Variants in MAST2 observed in about 807,000 individuals in gnomAD.
MAST2 encodes microtubule associated serine/threonine kinase 2.
A neutral mutation model predicts 147.4 loss-of-function variants in MAST2; 70 were observed. The observed-to-expected ratio is 0.47, with a 90% CI of 0.39 to 0.58. The LOEUF (loss-of-function observed/expected upper bound fraction) is 0.58. MAST2 is among the 20% of genes least tolerant of loss of function. The pLI, the probability that MAST2 is intolerant of heterozygous loss-of-function variation, is 0.00. For synonymous variants in MAST2, 869 were observed against 896.8 expected (o/e 0.97, Z 0.55); for missense variants, 2,080 against 2,302.3 (o/e 0.90, Z 1.98).
chr1:45,866,653 CAGG>C (rs1259645188), intron 3 of MAST2, among the ~76,000 whole-genome samples: 1 of 152,122 alleles, frequency 6.6e-6, no homozygotes, highest in Non-Finnish European at 1.5e-5. Flanking sequence ...TTCTATCTAG[CAGG>C]AGTTCTAAAC....
At chr1:45,808,292 G>A (rs1239737184) in intron 1 of MAST2, among the ~76,000 whole-genome samples, 1 of 152,034 alleles carries the variant, frequency 6.6e-6, no homozygotes, top group Non-Finnish European at 1.5e-5. Context: ...GTGCAGTGGC[G>A]CGATCTCGGC....
intron 4 of MAST2, among the ~76,000 whole-genome samples, chr1:45,886,479 G>T (rs1647095609): frequency 6.6e-6 from 1 of 151,632 alleles, no homozygotes; most frequent in South Asian, 2.1e-4. Flanking sequence ...CTTTTGGCCT[G>T]GCTCATACCA....
At chr1:45,820,836 T>C (rs1450801395) in intron 1 of MAST2, among the ~76,000 whole-genome samples, 1 of 32,440 alleles carries the variant, frequency 3.1e-5, no homozygotes, top group Non-Finnish European at 7.4e-5. Context: ...TCTGTCTGCT[T>C]TTTTTTTTTT....
At chr1:45,870,951 A>G (rs1396634860) in intron 3 of MAST2, among the ~76,000 whole-genome samples, 4 of 151,934 alleles carry the variant, frequency 2.6e-5, no homozygotes, top group Non-Finnish European at 5.9e-5. Context: ...TAACAACAAC[A>G]AAAATTCATG....
At chr1:45,923,655 T>C (rs570639695) in intron 4 of MAST2, among the ~76,000 whole-genome samples, 1 of 152,184 alleles carries the variant, frequency 6.6e-6, no homozygotes, top group Non-Finnish European at 1.5e-5. Flanking sequence ...GATCACATTC[T>C]TAACAACCAC....
chr1:45,823,890 T>C (rs115348839), intron 1 of MAST2, among the ~76,000 whole-genome samples: 1,843 of 152,298 alleles, frequency 0.012, 30 homozygotes, highest in African/African-American at 0.039. Context: ...AATGGGAAGG[T>C]TCTGTCAATG....
Position 45,838,271 on chromosome 1 carries a change from G to A in MAST2, c.468+8690G>A, listed in dbSNP as rs112253537. ...GTCTCGGTCTGTTGCCCACGCTGGA[G>A]CGCAGTGGCATGATCTTGGCTCACT... is the stretch of plus-strand genomic sequence containing the variant. On this transcript the variant is annotated intron_variant, in intron 3 of 28. Coordinates refer to ENST00000361297, the MANE Select transcript of MAST2 (RefSeq NM_015112.3). Among the ~76,000 whole-genome samples, 242 of 141,334 alleles carry A rather than the reference G, an allele frequency of 1.7e-3. 1 individual carries two copies. The highest frequency in any genetic ancestry group is 8.1e-3 in the Middle Eastern group (2 of 248). The allele number at this position is 141,334 out of a possible 152,430, so 92.7% of individuals were successfully genotyped here.
intron 3 of MAST2, among the ~76,000 whole-genome samples, chr1:45,849,030 G>T (rs1432904178): frequency 6.6e-6 from 1 of 152,116 alleles, no homozygotes; most frequent in Admixed American, 6.5e-5. Context: ...AACCAGGGAG[G>T]TGCAAGATTT....
chr1:45,931,377 G>GTTTTTTTTTTTT (rs71587091), intron 4 of MAST2, among the ~76,000 whole-genome samples: 5 of 101,204 alleles, frequency 4.9e-5, no homozygotes, highest in East Asian at 3.2e-4. Flanking sequence ...ATTGTGTTCT[G>GTTTTTTTTTTTT]TTTTTTTTTT....
rs1646868647 is a variant in MAST2, at chr1:46,035,538, C to A, written c.4869C>A (p.His1623Gln). Residue 1623 changes from histidine to glutamine, a missense_variant, in exon 29 of 29, where the codon CAC (histidine) becomes CAA (glutamine). Around this residue, in one of 4 missense-constraint regions of MAST2, gnomAD observed 1,278 missense variants for 1,304.2 expected, o/e 0.98. Coordinates refer to ENST00000361297, the MANE Select transcript of MAST2 (RefSeq NM_015112.3). This position sits in a 1 kb window ranked among gnomAD's most constrained non-coding sequence, Gnocchi z 5.5. ...GTTGCTGGAAGGCCCAGCACCTCCACACCCAGGCACTAACAGCACTTTCTC... is the reference window on the plus strand; with the variant it reads ...GTTGCTGGAAGGCCCAGCACCTCCAAACCCAGGCACTAACAGCACTTTCTC... The part of the protein sequence containing the change: ...PEGCWKAQHL[H>Q]TQALTALSPS... The A allele has an allele frequency of 6.2e-7, 1 of 1,613,472 alleles. No individual in the cohort carries two copies.
rs1557499305 is a variant in MAST2, at chr1:46,025,660, G to A, written c.1781-17G>A. The A allele has an allele frequency of 6.2e-7, 1 of 1,613,894 alleles. No individual in the cohort carries two copies. The highest frequency in any genetic ancestry group is 2.2e-5 in the East Asian group (1 of 44,888). ...GGAACTGAATCCTTTCCTCATGGTAGCCTGGGCTTGTTGCAGGGGGAGACT... is the reference window on the plus strand; with the variant it reads ...GGAACTGAATCCTTTCCTCATGGTAACCTGGGCTTGTTGCAGGGGGAGACT... On this transcript the variant is annotated splice_polypyrimidine_tract_variant and intron_variant, in intron 15 of 28. Transcript: ENST00000361297.
intron 26 of MAST2, among the ~76,000 whole-genome samples, chr1:46,033,438 TAAA>T (rs140010156): frequency 4.4e-5 from 6 of 137,250 alleles, no homozygotes; most frequent in African/African-American, 2.7e-5. Context: ...GACTCTGTCT[TAAA>T]AAAAAAAAAA....
In MAST2 at chr1:46,034,978, C is replaced by A; in HGVS notation, c.4309C>A (p.Leu1437Ile). 1 of 1,614,096 alleles carries A rather than the reference C, an allele frequency of 6.2e-7. No homozygotes were observed. Among genetic ancestry groups the A allele is most frequent in the Non-Finnish European group, 8.5e-7 (1 of 1,180,046 alleles). The change falls in exon 29 of 29, where the codon CTA becomes ATA. Residue 1437 changes from leucine to isoleucine, a missense_variant. This residue lies in a region of MAST2 where 1,278 missense variants were observed against 1,304.2 expected (regional missense o/e 0.98). Transcript: ENST00000361297. ...KHSLDLPHSE[L>I]KKELPPREVS... ...CAGCCTTGACCTGCCCCACTCTGAA[C>A]TAAAGAAGGAACTGCCGCCCAGGGA... is the stretch of plus-strand genomic sequence containing the variant.
At position 45,875,858 on chromosome 1, in the gene MAST2, G is replaced by T. The variant is rs576357135; in HGVS notation, c.469-6506G>T. 9.9e-5 allele frequency among the ~76,000 whole-genome samples: 15 copies of T among 152,028 alleles called. No individual in the cohort carries two copies. The South Asian group carries it at 3.1e-3, about 32-fold the overall frequency. On this transcript the variant is annotated intron_variant, in intron 3 of 28. Transcript: ENST00000361297. ...GGTAGTTGTATGTACAACTATAGAG[G>T]TCAGCAAAAAGATCTGGGATAGAGA...
Position 45,849,810 on chromosome 1 carries a change from G to A in MAST2, c.468+20229G>A, listed in dbSNP as rs541241427. Among the ~76,000 whole-genome samples, 13 of 152,330 alleles carry A rather than the reference G, an allele frequency of 8.5e-5. No homozygotes were observed. The South Asian group carries it at 2.7e-3, about 32-fold the overall frequency. On this transcript the variant is annotated intron_variant, in intron 3 of 28. Coordinates refer to ENST00000361297, the MANE Select transcript of MAST2 (RefSeq NM_015112.3). ...CAAAGTGCTGGGATTACAGGCGTGAGCCACTGTGCCCCGCCCATATTTTCT... is the reference window on the plus strand; with the variant it reads ...CAAAGTGCTGGGATTACAGGCGTGAACCACTGTGCCCCGCCCATATTTTCT...
chr1:45,920,166 G>A (rs1335188532), intron 4 of MAST2, among the ~76,000 whole-genome samples: 1 of 152,140 alleles, frequency 6.6e-6, no homozygotes, highest in Admixed American at 6.5e-5. Flanking sequence ...GGTCCTTAGT[G>A]AGCCCTGAAG....
intron 5 of MAST2, among the ~76,000 whole-genome samples, chr1:45,960,674 T>TGAAAG (rs1457128400): frequency 6.6e-6 from 1 of 152,196 alleles, no homozygotes; most frequent in Non-Finnish European, 1.5e-5. Flanking sequence ...TCAGCTTTGC[T>TGAAAG]GAAAGGGCTG....
intron 5 of MAST2, among the ~76,000 whole-genome samples, chr1:45,961,779 A>G (rs566045257): frequency 7.9e-5 from 12 of 152,120 alleles, no homozygotes; most frequent in Non-Finnish European, 1.6e-4. Flanking sequence ...TTTTATAGAT[A>G]ATTTTATTAT....
chr1:45,956,285 C>G (rs1318380695), intron 4 of MAST2, among the ~76,000 whole-genome samples: 1 of 152,102 alleles, frequency 6.6e-6, no homozygotes, highest in African/African-American at 2.4e-5. Flanking sequence ...CACTTCAAAC[C>G]TGCCAATCAT....
Sources: gnomAD v4.1 joint callset for allele counts (sites outside exome capture counted in the v4.1 genomes callset) on GRCh38, gnomAD v4.1.1 for gene constraint, gnomAD v4.1.1 regional missense constraint, Gnocchi (gnomAD v3.1) non-coding constraint, MANE v1.5 for transcripts, NCBI Gene and HGNC (gene_info 2026-07-23, HGNC 2026-07-21) for gene names.